SLC22A23: variants seen among roughly 807,000 people sequenced by gnomAD.
The protein encoded by SLC22A23 is solute carrier family 22 member 23, also known as ion transporter protein.
SLC22A23 carries 26 observed loss-of-function variants against 61.0 expected under a neutral mutation model. The observed-to-expected ratio is 0.43, with a 90% confidence interval of 0.31 to 0.59. The LOEUF is 0.59. Ranked by LOEUF, SLC22A23 falls within the 20% of genes least tolerant of loss-of-function variation. SLC22A23 has a pLI of 0.11. For synonymous variants in SLC22A23, 430 were observed against 413.9 expected, an observed-to-expected ratio of 1.04 and a Z score of -0.47; for missense variants, 796 against 934.7, an observed-to-expected ratio of 0.85 and a Z score of 1.94.
At chr6:3,416,709 G>A (rs1279879781) in intron 1 of SLC22A23, among the ~76,000 whole-genome samples, 1 of 152,250 alleles carries the variant, frequency 6.6e-6, no homozygotes. Flanking sequence ...GCCAGGCCAT[G>A]GAGACACAGA....
intron 3 of SLC22A23, among the ~76,000 whole-genome samples, chr6:3,382,025 C>A (rs1364103163): frequency 6.6e-6 from 1 of 152,224 alleles, no homozygotes; most frequent in Non-Finnish European, 1.5e-5. Flanking sequence ...TCCACTTTAA[C>A]ATAAGGGGAA....
intron 1 of SLC22A23, among the ~76,000 whole-genome samples, chr6:3,428,957 G>C (rs1459933401): frequency 6.9e-6 from 1 of 145,502 alleles, no homozygotes; most frequent in Non-Finnish European, 1.5e-5. Flanking sequence ...GTCCTGAAGA[G>C]GGGGCTCTGT....
In SLC22A23 at chr6:3,390,105, C is replaced by T. The variant is rs1333245938; in HGVS notation, c.913+20083G>A. 6.6e-6 allele frequency among the ~76,000 whole-genome samples: 1 copy of T among 152,160 alleles called. No homozygotes were observed. The highest frequency in any genetic ancestry group is 1.5e-5 in the Non-Finnish European group (1 of 68,022). ...ACTGGGCCAGTTGCCACCATCCGTC[C>T]GTGGGCTCATCCGGAACAGCAACCA... On this transcript the variant is annotated intron_variant, in intron 3 of 9. Transcript: ENST00000406686. The surrounding 1 kb of genome is among the most constrained non-coding windows in gnomAD (Gnocchi z 4.0).
At chr6:3,416,814 G>T (rs989393237) in intron 1 of SLC22A23, among the ~76,000 whole-genome samples, 3 of 152,230 alleles carry the variant, frequency 2.0e-5, no homozygotes, top group African/African-American at 7.2e-5. Context: ...ACGGGGGTGG[G>T]GTGGTGCAGG....
At chr6:3,357,075 A>C (rs1020842410) in intron 3 of SLC22A23, among the ~76,000 whole-genome samples, 5 of 150,558 alleles carry the variant, frequency 3.3e-5, no homozygotes, top group Admixed American at 2.7e-4. Flanking sequence ...AAAAAAAAAA[A>C]AAAAAAAAAC....
chr6:3,375,111 ACAGT>A (rs956661439), intron 3 of SLC22A23, among the ~76,000 whole-genome samples: 2 of 152,210 alleles, frequency 1.3e-5, no homozygotes, highest in Non-Finnish European at 2.9e-5. Context: ...ACAAAGGAAA[ACAGT>A]CATCTCAATA....
At chr6:3,391,212 C>G (rs548786670) in intron 3 of SLC22A23, among the ~76,000 whole-genome samples, 3 of 152,338 alleles carry the variant, frequency 2.0e-5, no homozygotes, top group African/African-American at 7.2e-5. Context: ...ACACAAATGT[C>G]CTCACCAGCT....
At chr6:3,453,406 A>C (rs1772244257) in intron 1 of SLC22A23, among the ~76,000 whole-genome samples, 1 of 152,176 alleles carries the variant, frequency 6.6e-6, no homozygotes, top group South Asian at 2.1e-4. Context: ...GGAAGTGTTC[A>C]AACTAGGATG....
chr6:3,402,946 A>G (rs890991264), intron 3 of SLC22A23, among the ~76,000 whole-genome samples: 15 of 152,234 alleles, frequency 9.9e-5, no homozygotes, highest in African/African-American at 3.6e-4. Context: ...CAGGTCATGA[A>G]AAACTAAAAC....
chr6:3,290,167 G>A (rs1439025338), intron 5 of SLC22A23: 9 of 449,424 alleles, frequency 2.0e-5, no homozygotes, highest in Admixed American at 3.6e-5. Context: ...GCACACAAAC[G>A]GTCTCGACTC....
rs148092383 is a variant in SLC22A23, at chr6:3,446,928, T to C, written c.654+8978A>G. 1.5e-3 allele frequency among the ~76,000 whole-genome samples: 227 copies of C among 152,270 alleles called. 1 individual carries two copies. The highest frequency in any genetic ancestry group is 5.3e-3 in the African/African-American group (222 of 41,562). On this transcript the variant is annotated intron_variant, in intron 1 of 9. Coordinates refer to ENST00000406686, the MANE Select transcript of SLC22A23 (RefSeq NM_015482.2). ...AGAGTGTCTGCCTCCCCGTCAGCCC[T>C]GGGGGAGTTATCAGCATCTTCTACA...
chr6:3,298,250 C>G, intron 4 of SLC22A23, 32 bp from the exon 5 acceptor site: 1 of 1,575,640 alleles, frequency 6.3e-7, no homozygotes, highest in Non-Finnish European at 8.6e-7. Flanking sequence ...CAGTGAATGT[C>G]TTCCGATTCT....
intron 1 of SLC22A23, among the ~76,000 whole-genome samples, chr6:3,422,438 T>C (rs1398659063): frequency 6.6e-6 from 1 of 152,214 alleles, no homozygotes; most frequent in African/African-American, 2.4e-5. Flanking sequence ...TCTCAACATT[T>C]AGGGAGGCTA....
chr6:3,429,757 T>G (rs1324986042), intron 1 of SLC22A23, among the ~76,000 whole-genome samples: 1 of 152,202 alleles, frequency 6.6e-6, no homozygotes, highest in Non-Finnish European at 1.5e-5. Context: ...ATGCTACACA[T>G]GGATGAACCT....
At chr6:3,400,810 G>A (rs1768334277) in intron 3 of SLC22A23, among the ~76,000 whole-genome samples, 3 of 152,212 alleles carry the variant, frequency 2.0e-5, no homozygotes, top group Non-Finnish European at 4.4e-5. Flanking sequence ...ATGGACACTG[G>A]AACATCAGAA....
chr6:3,447,090 T>C (rs1422094482), intron 1 of SLC22A23, among the ~76,000 whole-genome samples: 1 of 152,190 alleles, frequency 6.6e-6, no homozygotes, highest in Non-Finnish European at 1.5e-5. Context: ...TAATACTCTT[T>C]AATGGTTTTC....
At chr6:3,450,810 A>G (rs1361678893) in intron 1 of SLC22A23, among the ~76,000 whole-genome samples, 2 of 152,246 alleles carry the variant, frequency 1.3e-5, no homozygotes. Flanking sequence ...TAGTCATCAT[A>G]TGATAACTAG....
At chr6:3,283,440 G>GC (rs1759665536) in intron 9 of SLC22A23, 1 of 270,994 alleles carries the variant, frequency 3.7e-6, no homozygotes, top group Admixed American at 4.7e-5. Flanking sequence ...CTCGGGGAGG[G>GC]CCGGGGGGTA....
intron 4 of SLC22A23, among the ~76,000 whole-genome samples, chr6:3,307,042 T>G (rs966273507): frequency 3.3e-5 from 5 of 152,148 alleles, no homozygotes; most frequent in Admixed American, 3.3e-4. Context: ...CTAGGGTAAG[T>G]AGGATGCTTG....
Sources: gnomAD v4.1 joint callset for allele counts (sites outside exome capture counted in the v4.1 genomes callset) on GRCh38, gnomAD v4.1.1 for gene constraint, Gnocchi (gnomAD v3.1) non-coding constraint, MANE v1.5 for transcripts, NCBI Gene and HGNC (gene_info 2026-07-23, HGNC 2026-07-21) for gene names.